The following TMEM150C variants were observed in gnomAD, a reference collection of about 807,000 sequenced individuals.
The protein encoded by TMEM150C is tentonin 3.
TMEM150C carries 10 observed loss-of-function variants against 29.9 expected under a neutral mutation model. The observed-to-expected ratio is 0.33, with a 90% confidence interval of 0.21 to 0.57. The LOEUF (loss-of-function observed/expected upper bound fraction) is 0.57, where lower values mean the gene tolerates loss of function less well. Ranked by LOEUF, TMEM150C falls within the 20% of genes least tolerant of loss-of-function variation. TMEM150C has a pLI of 0.88. For missense variants in TMEM150C, 251 were observed against 303.6 expected (o/e 0.83, Z 1.29); for synonymous variants, 101 against 112.5 (o/e 0.90, Z 0.64).
chr4:82,525,740 G>A (rs771684263), intron 1 of TMEM150C, among the ~76,000 whole-genome samples: 4 of 152,134 alleles, frequency 2.6e-5, no homozygotes, highest in Non-Finnish European at 4.4e-5. Flanking sequence ...GCCACAGGGA[G>A]GCCATATGAT....
chr4:82,508,701 G>A (rs1443689160), intron 1 of TMEM150C, among the ~76,000 whole-genome samples: 2 of 152,062 alleles, frequency 1.3e-5, no homozygotes, highest in African/African-American at 2.4e-5. Flanking sequence ...CCTGACCTCA[G>A]GTGATCAACC....
intron 6 of TMEM150C, chr4:82,491,088 AC>A (rs1723328609): frequency 2.1e-5 from 15 of 708,980 alleles, no homozygotes; most frequent in South Asian, 2.0e-4. Context: ...GCAGCAAGAG[AC>A]CCCCATTTTA....
intron 1 of TMEM150C, among the ~76,000 whole-genome samples, chr4:82,535,120 T>C (rs998494710): frequency 6.6e-6 from 1 of 152,248 alleles, no homozygotes; most frequent in Non-Finnish European, 1.5e-5. Flanking sequence ...TACATGGTTG[T>C]CTTAGTCCAT....
intron 1 of TMEM150C, among the ~76,000 whole-genome samples, chr4:82,515,537 G>A (rs1724265043): frequency 6.6e-6 from 1 of 152,052 alleles, no homozygotes; most frequent in Non-Finnish European, 1.5e-5. Flanking sequence ...AGGAGATGGA[G>A]ACCAGCCTGG....
intron 1 of TMEM150C, among the ~76,000 whole-genome samples, chr4:82,555,450 C>T (rs1433590692): frequency 6.6e-6 from 1 of 152,172 alleles, no homozygotes; most frequent in East Asian, 1.9e-4. Flanking sequence ...TTTCTTTGGG[C>T]ATATAGCTGT....
At chr4:82,553,659 G>A (rs1471370797) in intron 1 of TMEM150C, among the ~76,000 whole-genome samples, 1 of 152,210 alleles carries the variant, frequency 6.6e-6, no homozygotes, top group Non-Finnish European at 1.5e-5. Context: ...GTCACTCTGA[G>A]CCAAGGACTG....
rs1467400265 is a variant in TMEM150C at position 82,483,431 on chromosome 4, A to G, written c.*2080T>C. 2.0e-5 allele frequency: 3 copies of G among 152,212 alleles called. No individual in the cohort carries two copies. The highest frequency in any genetic ancestry group is 4.8e-5 in the African/African-American group (2 of 41,468). The allele number at this position is 152,212 out of a possible 1,614,324, so 9.4% of individuals were successfully genotyped here. On this transcript the variant is annotated 3_prime_UTR_variant, in exon 8 of 8. Coordinates refer to ENST00000449862, the MANE Select transcript of TMEM150C (RefSeq NM_001080506.3). ...TCAAAACTAACAAATGTCACCTTGG[A>G]CTATTTACAGTAAGACGCCTTTTTG...
At chr4:82,524,041 G>A (rs1724573917) in intron 1 of TMEM150C, among the ~76,000 whole-genome samples, 1 of 150,688 alleles carries the variant, frequency 6.6e-6, no homozygotes, top group South Asian at 2.1e-4. Context: ...GGCAGATCAC[G>A]AGGTCAGGAG....
Position 82,497,535 on chromosome 4 carries a change from C to G in TMEM150C, c.236-1340G>C, listed in dbSNP as rs556113601. Among the ~76,000 whole-genome samples, 4 of 152,252 alleles carry G rather than the reference C, an allele frequency of 2.6e-5. 1 individual carries two copies. In the South Asian group the frequency reaches 6.2e-4, roughly 24 times the overall value. On this transcript the variant is annotated intron_variant, in intron 5 of 7. Transcript: ENST00000449862. ...AGTTGACTTTTAGTTCTAAGTACTT[C>G]TGATCAAAGAGTGGTATAAAACTTG...
intron 1 of TMEM150C, among the ~76,000 whole-genome samples, chr4:82,541,940 C>A (rs1460709135): frequency 6.6e-6 from 1 of 152,284 alleles, no homozygotes; most frequent in East Asian, 1.9e-4. Flanking sequence ...ATGGTCTGGA[C>A]TCTAGGGCTA....
intron 7 of TMEM150C, among the ~76,000 whole-genome samples, chr4:82,486,279 G>C (rs1377058951): frequency 6.9e-6 from 1 of 144,000 alleles, no homozygotes; most frequent in Non-Finnish European, 1.5e-5. Flanking sequence ...ACTGCAAATG[G>C]TGAGCCAAGA....
intron 1 of TMEM150C, among the ~76,000 whole-genome samples, chr4:82,535,323 G>A (rs1724970253): frequency 6.6e-6 from 1 of 152,160 alleles, no homozygotes; most frequent in African/African-American, 2.4e-5. Flanking sequence ...GAGAAAAACA[G>A]GGCTGAACTT....
chr4:82,562,183 G>C (rs895288659), upstream of TMEM150C: 12 of 1,283,378 alleles, frequency 9.4e-6, no homozygotes, highest in Middle Eastern at 6.4e-4. Flanking sequence ...AGCCGGGTGT[G>C]GGCGGGCGAG....
chr4:82,546,028 C>G (rs1455402961), intron 1 of TMEM150C, among the ~76,000 whole-genome samples: 1 of 151,882 alleles, frequency 6.6e-6, no homozygotes, highest in Non-Finnish European at 1.5e-5. Flanking sequence ...TATATCTAAC[C>G]AAGGAGGTAA....
chr4:82,559,517 T>TG (rs1725849890), intron 1 of TMEM150C, among the ~76,000 whole-genome samples: 1 of 152,160 alleles, frequency 6.6e-6, no homozygotes, highest in Admixed American at 6.5e-5. Context: ...ATTGTGCCAC[T>TG]GCACTCCAGC....
intron 1 of TMEM150C, among the ~76,000 whole-genome samples, chr4:82,532,782 G>A (rs1169315861): frequency 1.3e-5 from 2 of 150,736 alleles, no homozygotes; most frequent in African/African-American, 4.9e-5. Flanking sequence ...AGGCTGGAGT[G>A]CAGTGGCACG....
chr4:82,536,657 G>A (rs907201128), intron 1 of TMEM150C, among the ~76,000 whole-genome samples: 9 of 152,032 alleles, frequency 5.9e-5, no homozygotes, highest in Admixed American at 1.3e-4. Flanking sequence ...TGGGAGGATC[G>A]CTTAAGCCCA....
chr4:82,502,960 A>G, intron 3 of TMEM150C, 33 bp from the exon 4 acceptor site: 1 of 1,583,220 alleles, frequency 6.3e-7, no homozygotes, highest in Non-Finnish European at 8.6e-7. Context: ...ACAGAAGCTC[A>G]GGTTAAAGCA....
intron 1 of TMEM150C, among the ~76,000 whole-genome samples, chr4:82,544,712 G>C (rs1468924855): frequency 1.3e-5 from 2 of 148,426 alleles, no homozygotes; most frequent in South Asian, 4.2e-4. Context: ...CAGGCAGGTA[G>C]AGGCTGCAGT....
Sources: gnomAD v4.1 joint callset for allele counts (sites outside exome capture counted in the v4.1 genomes callset) on GRCh38, gnomAD v4.1.1 for gene constraint, MANE v1.5 for transcripts, NCBI Gene and HGNC (gene_info 2026-07-23, HGNC 2026-07-21) for gene names.